Variants in KCNIP1 observed in about 807,000 individuals in gnomAD.
The protein encoded by KCNIP1 is A-type potassium channel modulatory protein KCNIP1.
KCNIP1 carries 18 observed loss-of-function variants against 33.0 expected under a neutral mutation model. That is an observed-to-expected ratio of 0.55 (90% CI 0.38 to 0.81). The LOEUF (loss-of-function observed/expected upper bound fraction) is 0.81, where lower values mean the gene tolerates loss of function less well. Among genes scored for constraint, KCNIP1 ranks in the 30% least tolerant of loss-of-function variants. The pLI, the probability that KCNIP1 is intolerant of heterozygous loss-of-function variation, is 0.00. For missense variants in KCNIP1, 238 were observed against 271.6 expected, an observed-to-expected ratio of 0.88 and a Z score of 0.87; for synonymous variants, 93 against 98.3, an observed-to-expected ratio of 0.95 and a Z score of 0.32.
intron 1 of KCNIP1, among the ~76,000 whole-genome samples, chr5:170,513,480 G>T (rs1755016607): frequency 6.6e-6 from 1 of 152,188 alleles, no homozygotes; most frequent in African/African-American, 2.4e-5. Flanking sequence ...CGCCCATTAA[G>T]TTTTAGTTTA....
At chr5:170,430,690 A>G (rs1755720537) in intron 1 of KCNIP1, among the ~76,000 whole-genome samples, 1 of 152,214 alleles carries the variant, frequency 6.6e-6, no homozygotes, top group Non-Finnish European at 1.5e-5. Flanking sequence ...GCCCCTCATC[A>G]GGAACCAGTG....
At chr5:170,520,462 G>T (rs866764010) in intron 1 of KCNIP1, among the ~76,000 whole-genome samples, 1 of 152,222 alleles carries the variant, frequency 6.6e-6, no homozygotes, top group South Asian at 2.1e-4. Context: ...ATGGTAGACT[G>T]AATCCCAGTT....
intron 1 of KCNIP1, among the ~76,000 whole-genome samples, chr5:170,368,093 A>G (rs1032881109): frequency 6.6e-6 from 1 of 152,230 alleles, no homozygotes; most frequent in African/African-American, 2.4e-5. Context: ...TGCTATTGAT[A>G]TCGTATCAAG....
chr5:170,561,166 G>A, intron 1 of KCNIP1: 1 of 454,586 alleles, frequency 2.2e-6, no homozygotes, highest in South Asian at 1.6e-5. Context: ...TTCGAGGGCT[G>A]AGATGAAACA....
chr5:170,663,411 G>A (rs1037051076), intron 1 of KCNIP1, among the ~76,000 whole-genome samples: 4 of 152,106 alleles, frequency 2.6e-5, no homozygotes, highest in South Asian at 2.1e-4. Flanking sequence ...CCTGGGCTTC[G>A]TCTCCACCCA....
At chr5:170,697,554 C>T (rs1403335950) in intron 1 of KCNIP1, among the ~76,000 whole-genome samples, 5 of 152,082 alleles carry the variant, frequency 3.3e-5, no homozygotes, top group African/African-American at 1.2e-4. Context: ...AAATTGAGTC[C>T]CCCAGAGGTT....
chr5:170,589,676 G>A (rs1216066974), intron 1 of KCNIP1, among the ~76,000 whole-genome samples: 1 of 152,080 alleles, frequency 6.6e-6, no homozygotes, highest in African/African-American at 2.4e-5. Context: ...AATGAAAGGA[G>A]TATGTGAAGG....
At chr5:170,649,274 T>C (rs994313520) in intron 1 of KCNIP1, among the ~76,000 whole-genome samples, 1 of 152,158 alleles carries the variant, frequency 6.6e-6, no homozygotes, top group East Asian at 1.9e-4. Flanking sequence ...AGTGGTTGAA[T>C]GAATAAACTC....
chr5:170,541,653 C>A (rs76595913), intron 1 of KCNIP1, among the ~76,000 whole-genome samples: 1,714 of 151,752 alleles, frequency 0.011, 32 homozygotes, highest in African/African-American at 0.039. Flanking sequence ...CCATGACCCA[C>A]CCACCCACCT....
At chr5:170,426,987 G>A (rs891437844) in intron 1 of KCNIP1, among the ~76,000 whole-genome samples, 1 of 152,236 alleles carries the variant, frequency 6.6e-6, no homozygotes, top group African/African-American at 2.4e-5. Flanking sequence ...CACAGGGAGA[G>A]GGAAGAGGCC....
chr5:170,446,414 C>A (rs1253971934), intron 1 of KCNIP1, among the ~76,000 whole-genome samples: 8 of 148,604 alleles, frequency 5.4e-5, no homozygotes, highest in Non-Finnish European at 5.9e-5. Flanking sequence ...ACCTTGCTGA[C>A]AAAAAAAAAA....
intron 3 of KCNIP1, among the ~76,000 whole-genome samples, chr5:170,721,124 AT>A (rs1195016434): frequency 6.6e-6 from 1 of 152,180 alleles, no homozygotes; most frequent in African/African-American, 2.4e-5. Flanking sequence ...TCCTGACAAA[AT>A]GCAAATCCAA....
chr5:170,569,980 C>T (rs1451447822), intron 1 of KCNIP1, among the ~76,000 whole-genome samples: 1 of 152,106 alleles, frequency 6.6e-6, no homozygotes, highest in Non-Finnish European at 1.5e-5. Context: ...GGCTGTTTTT[C>T]CCTAGGACCA....
chr5:170,666,268 G>A (rs1349425086), intron 1 of KCNIP1, among the ~76,000 whole-genome samples: 1 of 151,988 alleles, frequency 6.6e-6, no homozygotes, highest in East Asian at 1.9e-4. Context: ...TGGGTACTGG[G>A]GCTCTTGCAG....
At chr5:170,568,169 C>T (rs780766810) in intron 1 of KCNIP1, among the ~76,000 whole-genome samples, 1 of 152,114 alleles carries the variant, frequency 6.6e-6, no homozygotes, top group Non-Finnish European at 1.5e-5. Context: ...TTGTGGTTGC[C>T]ATTCTTATTG....
intron 1 of KCNIP1, chr5:170,712,866 G>A: frequency 6.2e-7 from 1 of 1,613,898 alleles, no homozygotes; most frequent in African/African-American, 1.3e-5. Flanking sequence ...ATCGCCTGGT[G>A]GTATTACCAG....
chr5:170,549,789 G>A (rs1036610220), intron 1 of KCNIP1, among the ~76,000 whole-genome samples: 4 of 152,038 alleles, frequency 2.6e-5, no homozygotes, highest in Non-Finnish European at 5.9e-5. Context: ...TATTTGACTC[G>A]GTGTTTTCAA....
chr5:170,532,220 GCTTT>G (rs1358708191), intron 1 of KCNIP1, among the ~76,000 whole-genome samples: 1 of 152,208 alleles, frequency 6.6e-6, no homozygotes, highest in African/African-American at 2.4e-5. Context: ...AAGAAAGGTT[GCTTT>G]CTTTGTTGTT....
intron 1 of KCNIP1, among the ~76,000 whole-genome samples, chr5:170,587,421 C>CAAAAAAAA (rs56358014): frequency 4.3e-5 from 3 of 70,336 alleles, no homozygotes; most frequent in Non-Finnish European, 5.5e-5. Context: ...GACTCTGTCT[C>CAAAAAAAA]AAAAAAAAAA....
Sources: gnomAD v4.1 joint callset for allele counts (sites outside exome capture counted in the v4.1 genomes callset) on GRCh38, gnomAD v4.1.1 for gene constraint, MANE v1.5 for transcripts, NCBI Gene and HGNC (gene_info 2026-07-23, HGNC 2026-07-21) for gene names.